Variants in N4BP2 observed in about 807,000 individuals in gnomAD.
The protein encoded by N4BP2 is NEDD4 binding protein 2.
In N4BP2, 91 loss-of-function variants were observed where a neutral mutation model predicts 152.8. The ratio of observed to expected loss-of-function variants is 0.60; its 90% CI spans 0.50 to 0.71. The LOEUF (loss-of-function observed/expected upper bound fraction) is 0.71. N4BP2 is among the 30% of genes least tolerant of loss of function. The probability of loss-of-function intolerance (pLI) is 0.00; values close to 1 mark genes in which losing one functional copy is unlikely to be tolerated. For synonymous variants in N4BP2, 646 were observed against 705.3 expected (o/e 0.92, Z 1.33); for missense variants, 1,923 against 2,059.1 (o/e 0.93, Z 1.28).
At chr4:40,118,373 G>A (rs11729752) in intron 8 of N4BP2, among the ~76,000 whole-genome samples, 25,410 of 152,100 alleles carry the variant, frequency 0.17, 2,577 homozygotes, top group Middle Eastern at 0.23. Flanking sequence ...CTGAGGTTGC[G>A]GTGAGCCGAG....
chr4:40,179,759 C>CTTTTTT, the N4BP2 span, among the ~76,000 whole-genome samples: 34 of 109,112 alleles, frequency 3.1e-4, no homozygotes, highest in Non-Finnish European at 4.3e-4. Context: ...TAAAGCCTTT[C>CTTTTTT]TTTTTTTTTT....
intron 3 of N4BP2, chr4:40,100,170 G>C (rs1715498632): frequency 2.3e-6 from 1 of 436,198 alleles, no homozygotes; most frequent in Admixed American, 2.5e-5. Context: ...AGAAAATCGA[G>C]GTTTAGGAAA....
At chr4:40,182,239 G>T in the N4BP2 span, among the ~76,000 whole-genome samples, 22 of 152,266 alleles carry the variant, frequency 1.4e-4, no homozygotes, top group East Asian at 3.9e-3. Context: ...AAGAACATGC[G>T]CAGAGACAGG....
intron 1 of N4BP2, among the ~76,000 whole-genome samples, chr4:40,062,078 C>CTTTTT (rs71194968): frequency 3.8e-5 from 5 of 132,378 alleles, no homozygotes; most frequent in African/African-American, 8.5e-5. Context: ...TTTTTGGTTA[C>CTTTTT]TTTTTTTTTT....
At chr4:40,174,561 G>A in the N4BP2 span, among the ~76,000 whole-genome samples, 1 of 152,132 alleles carries the variant, frequency 6.6e-6, no homozygotes, top group Non-Finnish European at 1.5e-5. Flanking sequence ...CCAGTACTTT[G>A]GGAGGCTGAG....
intron 12 of N4BP2, among the ~76,000 whole-genome samples, chr4:40,128,539 G>GT (rs11423243): frequency 0.39 from 55,834 of 144,932 alleles, 11,279 homozygotes; most frequent in East Asian, 0.82. Flanking sequence ...TCTTCTTTCT[G>GT]TTTTTTTTTT....
At position 40,127,671 on chromosome 4, in the gene N4BP2, AT is replaced by A. The variant is rs375278533; in HGVS notation, c.4527+1348del. ...TATCTCTGAGAAAATATATATATAT[AT>A]TTTTTTGAGATGGAGTCTCGCTCTG... is the stretch of plus-strand genomic sequence containing the variant. On this transcript the variant is annotated intron_variant, in intron 12 of 17. Transcript: ENST00000261435. 3.8e-4 allele frequency among the ~76,000 whole-genome samples: 57 copies of A among 151,318 alleles called. No individual in the cohort carries two copies. The East Asian group carries it at 9.7e-3, about 26-fold the overall frequency.
At chr4:40,078,113 A>ATATGTGTG (rs142566669) in intron 2 of N4BP2, 1 of 142,642 alleles carries the variant, frequency 7.0e-6, no homozygotes, top group Non-Finnish European at 1.6e-5. Flanking sequence ...ATATTTCTAA[A>ATATGTGTG]TGTGTGTGTG....
chr4:40,120,857 G>A lies in N4BP2; in HGVS notation c.2746G>A (p.Asp916Asn), dbSNP rs763697820. The change falls in exon 9 of 18, where the codon GAC becomes AAC. Residue 916 changes from aspartate (D) to asparagine (N), a missense_variant. Coordinates refer to ENST00000261435, the MANE Select transcript of N4BP2 (RefSeq NM_018177.6). ...GCCCAACCTAGAAATTGGAACAAAT[G>A]ACAAAATGAATGAAATATCCTTATC... ...SEPNLEIGTN[D>N]KMNEISLSTA... The A allele has an allele frequency of 6.2e-7, 1 of 1,614,092 alleles. No homozygotes were observed. The highest frequency in any genetic ancestry group is 1.1e-5 in the South Asian group (1 of 91,068).
At position 40,102,465 on chromosome 4, in the gene N4BP2, G is replaced by A. The variant is rs757427468; in HGVS notation, c.620G>A (p.Gly207Asp). 1 of 1,613,692 alleles carries A rather than the reference G, an allele frequency of 6.2e-7. No homozygotes were observed. Among genetic ancestry groups the A allele is most frequent in the South Asian group, 1.1e-5 (1 of 91,040 alleles). The change falls in exon 4 of 18, where the codon GGT (glycine) becomes GAT (aspartate). Residue 207 changes from glycine (G) to aspartate (D), a missense_variant. Transcript: ENST00000261435. ...NLNGENLENSGSTLSLNPLPS... is the reference protein window; with the variant it reads ...NLNGENLENSDSTLSLNPLPS... ...AACGGTGAAAATTTAGAGAATTCTG[G>A]TTCTACTTTAAGTTTAAACCCATTA...
chr4:40,126,394 T>G, intron 12 of N4BP2, 64 bp downstream of exon 12: 1 of 789,794 alleles, frequency 1.3e-6, no homozygotes, highest in Admixed American at 3.6e-5. Flanking sequence ...ATGTTTACTT[T>G]GTGATTTTTT....
chr4:40,057,277 C>T (rs1733261399), intron 1 of N4BP2: 2 of 152,460 alleles, frequency 1.3e-5, no homozygotes, highest in African/African-American at 4.8e-5. Context: ...CAGCCCGAGG[C>T]CGGGCGAAGG....
Position 40,076,606 on chromosome 4 carries a change from A to G in N4BP2, c.-115+3055A>G, listed in dbSNP as rs1712763775. Among the ~76,000 whole-genome samples, 3 of 151,706 alleles carry G rather than the reference A, an allele frequency of 2.0e-5. No individual in the cohort carries two copies. The South Asian group carries it at 6.2e-4, about 31-fold the overall frequency. ...TGGGTTCATGCCATTCTCCTGCCTC[A>G]GCCTCCCGAGTAGCTGGGACTACAG... On this transcript the variant is annotated intron_variant, in intron 2 of 17. Transcript: ENST00000261435.
chr4:40,183,860 G>C, the N4BP2 span, among the ~76,000 whole-genome samples: 1 of 152,116 alleles, frequency 6.6e-6, no homozygotes, highest in Non-Finnish European at 1.5e-5. Context: ...TGTCCTCAGG[G>C]CTGCTGCAAC....
At chr4:40,110,456 A>T (rs1579049659) in intron 5 of N4BP2, among the ~76,000 whole-genome samples, 1 of 152,258 alleles carries the variant, frequency 6.6e-6, no homozygotes, top group Admixed American at 6.5e-5. Context: ...GTGAAGTGGT[A>T]TCTCACTGTG....
chr4:40,108,241 T>A (rs977388128), intron 5 of N4BP2, among the ~76,000 whole-genome samples: 3 of 152,146 alleles, frequency 2.0e-5, no homozygotes, highest in Admixed American at 6.5e-5. Flanking sequence ...GCCTGGTTAC[T>A]GCTTTCTAAA....
the N4BP2 span, among the ~76,000 whole-genome samples, chr4:40,173,733 A>T: frequency 6.6e-6 from 1 of 152,196 alleles, no homozygotes; most frequent in Admixed American, 6.5e-5. Context: ...CACTGCAGAG[A>T]GCCTGGGCCG....
At chr4:40,159,151 A>G (rs555625656), downstream of N4BP2, among the ~76,000 whole-genome samples, 2 of 152,346 alleles carry the variant, frequency 1.3e-5, no homozygotes, top group South Asian at 4.1e-4. Context: ...AACTTGAACC[A>G]CATTCTCTGA....
intron 1 of N4BP2, among the ~76,000 whole-genome samples, chr4:40,061,617 A>G (rs1578927102): frequency 1.3e-5 from 2 of 151,214 alleles, no homozygotes; most frequent in African/African-American, 4.9e-5. Flanking sequence ...CGCCCGCCTC[A>G]GCCTCCCAAA....
Sources: allele counts gnomAD v4.1 joint callset (sites outside exome capture counted in the v4.1 genomes callset), GRCh38; gene constraint gnomAD v4.1.1; transcripts MANE v1.5; gene names NCBI Gene and HGNC (gene_info 2026-07-23, HGNC 2026-07-21).